The following MAP3K13 variants were observed in gnomAD, a reference collection of about 807,000 sequenced individuals.
MAP3K13 encodes leucine zipper-bearing kinase.
In MAP3K13, 52 loss-of-function variants were observed where a neutral mutation model predicts 104.0. The ratio of observed to expected loss-of-function variants is 0.50; its 90% CI spans 0.40 to 0.63. The LOEUF is 0.63. Ranked by LOEUF, MAP3K13 falls within the 20% of genes least tolerant of loss-of-function variation. The pLI, the probability that MAP3K13 is intolerant of heterozygous loss-of-function variation, is 0.00. For synonymous variants in MAP3K13, 394 were observed against 442.2 expected (o/e 0.89, Z 1.37); for missense variants, 914 against 1,218.5 (o/e 0.75, Z 3.72).
rs919871792 is a variant in MAP3K13 at position 185,463,624 on chromosome 3, T to C, written c.1353T>C (p.Asp451=). The C allele has an allele frequency of 4.3e-6, 7 of 1,613,202 alleles. No individual in the cohort carries two copies. In the African/African-American group the frequency reaches 8.0e-5, roughly 18 times the overall value. Reference sequence around the variant, plus strand: ...AAGGAACTTGTATACACCGGTTAGATGAAGAACTGATTCGAAGGCGCAGAG... The same window carrying C: ...AAGGAACTTGTATACACCGGTTAGACGAAGAACTGATTCGAAGGCGCAGAG... The part of the protein sequence containing the change: ...KSEGTCIHRL[D]EELIRRRREE... The change falls in exon 8 of 14, where the codon GAT becomes GAC. Residue 451 remains aspartate (D), a synonymous_variant. Transcript: ENST00000265026.
intron 1 of MAP3K13, among the ~76,000 whole-genome samples, chr3:185,420,706 C>T (rs1321157760): frequency 6.6e-6 from 1 of 152,110 alleles, no homozygotes; most frequent in African/African-American, 2.4e-5. Flanking sequence ...CTAAATTGTC[C>T]AAAATCTTTG....
At chr3:185,366,185 T>A (rs760026652) in intron 1 of MAP3K13, among the ~76,000 whole-genome samples, 21 of 151,998 alleles carry the variant, frequency 1.4e-4, no homozygotes, top group Middle Eastern at 3.4e-3. Flanking sequence ...TTCATGTAAA[T>A]GAAATCATAC....
intron 2 of MAP3K13, among the ~76,000 whole-genome samples, chr3:185,328,292 A>G (rs540725042): frequency 4.3e-4 from 65 of 152,264 alleles, no homozygotes; most frequent in African/African-American, 1.5e-3. Flanking sequence ...TGTACAATGT[A>G]TAGCTTCTGA....
intron 1 of MAP3K13, among the ~76,000 whole-genome samples, chr3:185,373,920 G>A (rs1178422064): frequency 1.3e-5 from 2 of 150,840 alleles, no homozygotes; most frequent in African/African-American, 4.9e-5. Context: ...GCAAAGGGTG[G>A]TGGGATTATC....
chr3:185,409,118 A>G (rs1486165779), intron 1 of MAP3K13, among the ~76,000 whole-genome samples: 1 of 152,230 alleles, frequency 6.6e-6, no homozygotes, highest in Non-Finnish European at 1.5e-5. Context: ...CTGTCATCCC[A>G]GCACTTTGGG....
intron 2 of MAP3K13, among the ~76,000 whole-genome samples, chr3:185,298,734 G>A (rs12633227): frequency 0.083 from 12,666 of 152,124 alleles, 703 homozygotes; most frequent in East Asian, 0.2. Context: ...CAGTCAAAGT[G>A]GTGAAGTGGC....
At chr3:185,395,401 C>T (rs1357161937) in intron 1 of MAP3K13, among the ~76,000 whole-genome samples, 1 of 61,602 alleles carries the variant, frequency 1.6e-5, no homozygotes, top group Admixed American at 2.2e-4. Flanking sequence ...CTCTGTCGCC[C>T]AGGCTGGAGT....
At chr3:185,417,822 C>G in intron 1 of MAP3K13, 1 of 1,611,056 alleles carries the variant, frequency 6.2e-7, no homozygotes, top group Non-Finnish European at 8.5e-7. Context: ...TCAAGTTTTT[C>G]AGTGGGTTCT....
chr3:185,376,025 T>C (rs34911200), intron 1 of MAP3K13, among the ~76,000 whole-genome samples: 27,192 of 152,132 alleles, frequency 0.18, 2,620 homozygotes, highest in Non-Finnish European at 0.21. Context: ...ATAGCATAGC[T>C]TGCCTTTGCT....
chr3:185,482,534 C>A lies in MAP3K13; in HGVS notation c.*78C>A. 1 of 1,059,002 alleles carries A rather than the reference C, an allele frequency of 9.4e-7. No homozygotes were observed. The highest frequency in any genetic ancestry group is 1.4e-6 in the Non-Finnish European group (1 of 691,318). The allele number at this position is 1,059,002 out of a possible 1,614,324, so 65.6% of individuals were successfully genotyped here. Reference sequence around the variant, plus strand: ...ACCCCACCCCCAGACTCATCCCACTCTCTCCCAGCATTTTGTCTGGGAAGA... The same window carrying A: ...ACCCCACCCCCAGACTCATCCCACTATCTCCCAGCATTTTGTCTGGGAAGA... On this transcript the variant is annotated 3_prime_UTR_variant, in exon 14 of 14. Coordinates refer to ENST00000265026, the MANE Select transcript of MAP3K13 (RefSeq NM_004721.5). The surrounding 1 kb of genome is among the most constrained non-coding windows in gnomAD (Gnocchi z 4.5).
At chr3:185,285,537 TATGGACTCTAAA>T in exon 2 of MAP3K13, 1 of 1,298,010 alleles carries the variant, frequency 7.7e-7, no homozygotes, top group East Asian at 2.5e-5. Context: ...CACTGAAATC[TATGGACTCTAAA>T]ATGGACTTCA....
At chr3:185,309,266 G>A (rs897948839) in intron 2 of MAP3K13, among the ~76,000 whole-genome samples, 5 of 152,140 alleles carry the variant, frequency 3.3e-5, no homozygotes, top group Non-Finnish European at 7.3e-5. Context: ...ACTTTGGGAG[G>A]CCACAAGGTG....
intron 2 of MAP3K13, 59 bp downstream of exon 2, chr3:185,429,115 C>G: frequency 6.7e-7 from 1 of 1,485,278 alleles, no homozygotes. Context: ...TCACCACCAC[C>G]GTCACCACCA....
At chr3:185,357,746 A>T (rs952278193) in intron 2 of MAP3K13, among the ~76,000 whole-genome samples, 1 of 152,238 alleles carries the variant, frequency 6.6e-6, no homozygotes, top group African/African-American at 2.4e-5. Flanking sequence ...GAAGAATCTT[A>T]TATCCCTCAT....
At chr3:185,339,496 C>A (rs1722638770) in intron 2 of MAP3K13, among the ~76,000 whole-genome samples, 1 of 152,206 alleles carries the variant, frequency 6.6e-6, no homozygotes, top group Non-Finnish European at 1.5e-5. Flanking sequence ...ATCAGAAACT[C>A]TGGGGGTATG....
chr3:185,411,152 C>T (rs539834356), intron 1 of MAP3K13, among the ~76,000 whole-genome samples: 1 of 152,092 alleles, frequency 6.6e-6, no homozygotes, highest in South Asian at 2.1e-4. Context: ...CTTGTCCTTA[C>T]TTTATGAGAT....
chr3:185,295,233 T>A (rs1233760497), intron 2 of MAP3K13, among the ~76,000 whole-genome samples: 1 of 152,078 alleles, frequency 6.6e-6, no homozygotes, highest in Non-Finnish European at 1.5e-5. Context: ...TGAGACGGAG[T>A]TTTGCTCTGT....
intron 4 of MAP3K13, among the ~76,000 whole-genome samples, chr3:185,444,543 A>G (rs952157142): frequency 6.6e-6 from 1 of 152,146 alleles, no homozygotes; most frequent in Non-Finnish European, 1.5e-5. Context: ...CATAGGAAAA[A>G]TAAACACTGG....
intron 7 of MAP3K13, among the ~76,000 whole-genome samples, chr3:185,459,100 G>A (rs1348082434): frequency 6.6e-6 from 1 of 152,172 alleles, no homozygotes; most frequent in Non-Finnish European, 1.5e-5. Context: ...GTTCTCTTGA[G>A]TGCCATTGTG....
Sources: allele counts gnomAD v4.1 joint callset (sites outside exome capture counted in the v4.1 genomes callset), GRCh38; gene constraint gnomAD v4.1.1; non-coding constraint Gnocchi (gnomAD v3.1); transcripts MANE v1.5; gene names NCBI Gene and HGNC (gene_info 2026-07-23, HGNC 2026-07-21).